PRDM6: variants seen among roughly 807,000 people sequenced by gnomAD.
PRDM6 encodes the protein putative histone-lysine N-methyltransferase PRDM6.
A neutral mutation model predicts 60.8 loss-of-function variants in PRDM6; 25 were observed. The observed-to-expected ratio is 0.41, with a 90% CI of 0.30 to 0.57. PRDM6 has a LOEUF of 0.57. PRDM6 is among the 20% of genes least tolerant of loss of function. The pLI is 0.27. For missense variants in PRDM6, 839 were observed against 821.3 expected, an observed-to-expected ratio of 1.02 and a Z score of -0.26; for synonymous variants, 407 against 357.4, an observed-to-expected ratio of 1.14 and a Z score of -1.57.
At position 123,193,583 on chromosome 5, in the gene PRDM6, T is replaced by A. The variant is rs199544066; in HGVS notation, c.*6382T>A. On this transcript the variant is annotated 3_prime_UTR_variant, in exon 8 of 8. Transcript: ENST00000407847. The stretch of plus-strand genomic sequence containing the variant: ...TTATTCTCCTTAGCAGTTCTAAGTA[T>A]TTCATGAAAAAGCCTTCCCCCAGTT... The A allele has an allele frequency of 1.7e-4, 26 of 152,328 alleles. No individual in the cohort carries two copies. In the East Asian group the frequency reaches 4.0e-3, roughly 24 times the overall value. The allele number at this position is 152,328 out of a possible 1,614,324, so 9.4% of individuals were successfully genotyped here.
In PRDM6 at chr5:123,090,188, C is replaced by A. The variant is rs1048123490; in HGVS notation, c.174C>A (p.Pro58=). ...QPLQPPPPPP[P]PERAEPPPDS... ...TTCAGCCGCCGCCGCCGCCCCCGCC[C>A]CCGGAGCGCGCTGAGCCTCCGCCGG... The change falls in exon 2 of 8, where the codon CCC becomes CCA. Residue 58 remains proline, a synonymous_variant. Coordinates refer to ENST00000407847, the MANE Select transcript of PRDM6 (RefSeq NM_001136239.4). The A allele has an allele frequency of 1.3e-6, 2 of 1,487,260 alleles. No individual in the cohort carries two copies. The highest frequency in any genetic ancestry group is 1.3e-5 in the South Asian group (1 of 77,440). 92.1% of individuals were successfully genotyped at this position (1,487,260 alleles called of 1,614,324 possible). A position where few individuals can be genotyped will look rare whatever the true frequency, so the allele number is the denominator to read the frequency against.
At chr5:123,110,855 A>G (rs529479039) in intron 3 of PRDM6, among the ~76,000 whole-genome samples, 1 of 151,976 alleles carries the variant, frequency 6.6e-6, no homozygotes, top group South Asian at 2.1e-4. Flanking sequence ...GTGAGCCACC[A>G]CGTCCGGCAG....
chr5:123,120,928 A>T (rs1460270312), intron 3 of PRDM6, among the ~76,000 whole-genome samples: 1 of 152,356 alleles, frequency 6.6e-6, no homozygotes, highest in East Asian at 1.9e-4. Context: ...TTATTGGCAG[A>T]AATGAATAAG....
chr5:123,110,278 T>C (rs1467120055), intron 3 of PRDM6, among the ~76,000 whole-genome samples: 1 of 149,772 alleles, frequency 6.7e-6, no homozygotes. Context: ...ATTTCCTTTT[T>C]TTTTTTTTTT....
intron 3 of PRDM6, among the ~76,000 whole-genome samples, chr5:123,153,032 C>A (rs889253206): frequency 1.3e-5 from 2 of 151,918 alleles, no homozygotes; most frequent in Non-Finnish European, 2.9e-5. Flanking sequence ...AAAGAACAGA[C>A]CAAAAGCAAT....
Position 123,187,398 on chromosome 5 carries a change from G to C in PRDM6, c.*197G>C. ...ACCAGGAAAGAGATTATTTATTTAT[G>C]ACTTAGGGATGAGACTTATTTCAGT... On this transcript the variant is annotated 3_prime_UTR_variant, in exon 8 of 8. Transcript: ENST00000407847. 1 of 438,116 alleles carries C rather than the reference G, an allele frequency of 2.3e-6. No homozygotes were observed. Among genetic ancestry groups the C allele is most frequent in the Non-Finnish European group, 4.2e-6 (1 of 236,614 alleles). 27.1% of individuals were successfully genotyped at this position (438,116 alleles called of 1,614,324 possible).
intron 3 of PRDM6, among the ~76,000 whole-genome samples, chr5:123,143,262 C>CA (rs1027493197): frequency 7.2e-5 from 11 of 152,026 alleles, no homozygotes; most frequent in Non-Finnish European, 4.4e-5. Flanking sequence ...CATATGCACA[C>CA]ACACCATTTT....
At chr5:123,175,547 G>C (rs1472257835) in intron 6 of PRDM6, among the ~76,000 whole-genome samples, 3 of 152,200 alleles carry the variant, frequency 2.0e-5, no homozygotes, top group Admixed American at 6.5e-5. Flanking sequence ...TCTTCAGGCT[G>C]TTTAGTCTTG....
chr5:123,121,668 T>C (rs1233491588), intron 3 of PRDM6, among the ~76,000 whole-genome samples: 3 of 152,158 alleles, frequency 2.0e-5, no homozygotes, highest in African/African-American at 4.8e-5. Context: ...CACAATCCCA[T>C]CCTCACACCT....
At chr5:123,160,057 A>G (rs963111024) in intron 5 of PRDM6, among the ~76,000 whole-genome samples, 3 of 152,230 alleles carry the variant, frequency 2.0e-5, no homozygotes, top group Admixed American at 2.0e-4. Flanking sequence ...TAAGAAAGCA[A>G]TGACATTTAA....
In PRDM6 at chr5:123,090,374, G is replaced by A; in HGVS notation, c.360G>A (p.Ala120=). ...ALPVSQLPVF[A]PLAAAAVAAE... ...CGGTGTCGCAGCTGCCGGTGTTCGC[G>A]CCTCTAGCCGCCGCTGCCGTCGCCG... is the stretch of plus-strand genomic sequence containing the variant. The change falls in exon 2 of 8, where the codon GCG becomes GCA. Residue 120 remains alanine, a synonymous_variant. Coordinates refer to ENST00000407847, the MANE Select transcript of PRDM6 (RefSeq NM_001136239.4). The A allele has an allele frequency of 6.8e-7, 1 of 1,467,118 alleles. No individual in the cohort carries two copies. The highest frequency in any genetic ancestry group is 9.0e-7 in the Non-Finnish European group (1 of 1,115,068). 90.9% of individuals were successfully genotyped at this position (1,467,118 alleles called of 1,614,324 possible). A position where few individuals can be genotyped will look rare whatever the true frequency, so the allele number is the denominator to read the frequency against.
intron 3 of PRDM6, among the ~76,000 whole-genome samples, chr5:123,131,799 G>A (rs903537082): frequency 1.3e-5 from 2 of 152,168 alleles, no homozygotes; most frequent in South Asian, 2.1e-4. Context: ...GATGATAAGA[G>A]TTACTTATTG....
At chr5:123,101,955 A>G (rs1352050033) in intron 3 of PRDM6, among the ~76,000 whole-genome samples, 7 of 152,144 alleles carry the variant, frequency 4.6e-5, no homozygotes, top group Admixed American at 6.5e-5. Flanking sequence ...AATTTTATCT[A>G]TTGTTCAGGG....
rs1484576191 is a variant in PRDM6 at position 123,180,341 on chromosome 5, C to T, written c.1673+18C>T. ...CCCTTCAAGTAAGTAGTGGCTAGCC[C>T]TCCACCCTCTCTTTCTCTTAGCCTT... is the stretch of plus-strand genomic sequence containing the variant. On this transcript the variant is annotated intron_variant, in intron 7 of 7. Transcript: ENST00000407847. 3.3e-6 allele frequency: 5 copies of T among 1,537,334 alleles called. No individual in the cohort carries two copies. The highest frequency in any genetic ancestry group is 1.7e-4 in the Middle Eastern group (1 of 5,916).
At position 123,188,939 on chromosome 5, in the gene PRDM6, T is replaced by C. The variant is rs1766346329; in HGVS notation, c.*1738T>C. 1 of 152,178 alleles carries C rather than the reference T, an allele frequency of 6.6e-6. No individual in the cohort carries two copies. The highest frequency in any genetic ancestry group is 2.1e-4 in the South Asian group (1 of 4,830). 9.4% of individuals were successfully genotyped at this position (152,178 alleles called of 1,614,324 possible). On this transcript the variant is annotated 3_prime_UTR_variant, in exon 8 of 8. Coordinates refer to ENST00000407847, the MANE Select transcript of PRDM6 (RefSeq NM_001136239.4). ...CGTATATATACATATATACACATAA[T>C]AATAATCTCTAGAACCCTGGGCCAT...
intron 1 of PRDM6, 27 bp from the exon 2 acceptor site, chr5:123,089,973 C>G (rs1361847944): frequency 3.4e-6 from 5 of 1,491,840 alleles, no homozygotes; most frequent in Non-Finnish European, 4.5e-6. Context: ...GCTCACGCGC[C>G]CCCTCTTCCC....
intron 5 of PRDM6, among the ~76,000 whole-genome samples, chr5:123,160,796 C>G (rs1765613092): frequency 6.6e-6 from 1 of 152,196 alleles, no homozygotes; most frequent in Non-Finnish European, 1.5e-5. Flanking sequence ...CAGTACATTC[C>G]TCTGATTTTG....
At chr5:123,089,758 G>A (rs1763761321) in intron 1 of PRDM6, among the ~76,000 whole-genome samples, 1 of 152,228 alleles carries the variant, frequency 6.6e-6, no homozygotes, top group South Asian at 2.1e-4. Context: ...CAGCATTGCT[G>A]GATGGGAGCT....
Position 123,193,103 on chromosome 5 carries a change from A to G in PRDM6, c.*5902A>G, listed in dbSNP as rs1427355753. 6.6e-6 allele frequency: 1 copy of G among 152,218 alleles called. No individual in the cohort carries two copies. The highest frequency in any genetic ancestry group is 2.4e-5 in the African/African-American group (1 of 41,458). The allele number at this position is 152,218 out of a possible 1,614,324, so 9.4% of individuals were successfully genotyped here. On this transcript the variant is annotated 3_prime_UTR_variant, in exon 8 of 8. Coordinates refer to ENST00000407847, the MANE Select transcript of PRDM6 (RefSeq NM_001136239.4). ...GTGGTTTATTGAAACCACAATGTATACTACTTTCCTCCAGATTCTGATTCT... is the reference window on the plus strand; with the variant it reads ...GTGGTTTATTGAAACCACAATGTATGCTACTTTCCTCCAGATTCTGATTCT...
Sources: gnomAD v4.1 joint callset for allele counts (sites outside exome capture counted in the v4.1 genomes callset) on GRCh38, gnomAD v4.1.1 for gene constraint, MANE v1.5 for transcripts, NCBI Gene and HGNC (gene_info 2026-07-23, HGNC 2026-07-21) for gene names.